The following PARD3B variants were observed in gnomAD, a reference collection of about 807,000 sequenced individuals.
PARD3B encodes par-3 family cell polarity regulator beta, also known as partitioning defective 3 homolog B.
A neutral mutation model predicts 130.2 loss-of-function variants in PARD3B; 103 were observed. The observed-to-expected ratio is 0.79, with a 90% CI of 0.67 to 0.93. The LOEUF (loss-of-function observed/expected upper bound fraction) is 0.93, where lower values mean the gene tolerates loss of function less well. Ranked by LOEUF, PARD3B falls within the 40% of genes least tolerant of loss-of-function variation. The probability of loss-of-function intolerance (pLI) is 0.00; values close to 1 mark genes in which losing one functional copy is unlikely to be tolerated. For synonymous variants in PARD3B, 583 were observed against 553.2 expected, an observed-to-expected ratio of 1.05 and a Z score of -0.76; for missense variants, 1,609 against 1,499.2, an observed-to-expected ratio of 1.07 and a Z score of -1.21.
rs1274223916 is a variant in PARD3B, at chr2:204,943,203, TATATA to T, written c.223-21944_223-21940del. On this transcript the variant is annotated intron_variant, in intron 2 of 22. Coordinates refer to ENST00000406610, the MANE Select transcript of PARD3B (RefSeq NM_001302769.2). This position sits in a 1 kb window ranked among gnomAD's most constrained non-coding sequence, Gnocchi z 4.2. ...ATATATATATATGTGTGTGTATATA[TATATA>T]ATATGTTAATTTTCATAGATCCAAA... 6.6e-6 allele frequency among the ~76,000 whole-genome samples: 1 copy of T among 152,058 alleles called. No individual in the cohort carries two copies. The highest frequency in any genetic ancestry group is 2.4e-5 in the African/African-American group (1 of 41,398).
chr2:204,673,489 A>C lies in PARD3B; in HGVS notation c.121-12692A>C, dbSNP rs977065592. 6.6e-6 allele frequency among the ~76,000 whole-genome samples: 1 copy of C among 152,190 alleles called. No individual in the cohort carries two copies. The highest frequency in any genetic ancestry group is 6.5e-5 in the Admixed American group (1 of 15,276). On this transcript the variant is annotated intron_variant, in intron 1 of 22. Coordinates refer to ENST00000406610, the MANE Select transcript of PARD3B (RefSeq NM_001302769.2). The surrounding 1 kb of genome is among the most constrained non-coding windows in gnomAD (Gnocchi z 4.7). ...CAAGCGAACTAGTTTTCCCACTCTC[A>C]TATAAGGGTTGCTTTTCTGAGCTTT...
At position 204,953,028 on chromosome 2, in the gene PARD3B, GTGTATATA is replaced by G. The variant is rs202110751; in HGVS notation, c.223-12106_223-12099del. ...AAAAAAAAGGTATATATATATATGTGTGTATATATGTATATATGTATATATACGTATAT... is the reference window on the plus strand; with the variant it reads ...AAAAAAAAGGTATATATATATATGTGTGTATATATGTATATATACGTATAT... On this transcript the variant is annotated intron_variant, in intron 2 of 22. Coordinates refer to ENST00000406610, the MANE Select transcript of PARD3B (RefSeq NM_001302769.2). Among the ~76,000 whole-genome samples the G allele has an allele frequency of 8.4e-3, 1,249 of 149,230 alleles. 20 individuals carry two copies. The highest frequency in any genetic ancestry group is 0.026 in the African/African-American group (1,041 of 40,568).
In PARD3B at chr2:205,193,417, G is replaced by T. The variant is rs536442796; in HGVS notation, c.2140+97G>T. On this transcript the variant is annotated intron_variant, in intron 15 of 22. Coordinates refer to ENST00000406610, the MANE Select transcript of PARD3B (RefSeq NM_001302769.2). ...TTTTGTTTCTTCAACTCAAACCTCA[G>T]GGAACAAGGTCTGCAGAAGCCTGGA... 2.2e-4 allele frequency: 197 copies of T among 902,226 alleles called. 2 individuals carry two copies. The South Asian group carries it at 2.8e-3, about 13-fold the overall frequency. The allele number at this position is 902,226 out of a possible 1,614,324, so 55.9% of individuals were successfully genotyped here.
At chr2:205,316,889 A>G (rs543133411) in intron 18 of PARD3B, among the ~76,000 whole-genome samples, 3 of 152,194 alleles carry the variant, frequency 2.0e-5, no homozygotes, top group East Asian at 3.8e-4. Flanking sequence ...TAAATATGAA[A>G]CTAATCTTTT....
intron 2 of PARD3B, among the ~76,000 whole-genome samples, chr2:204,721,010 A>G (rs2038971688): frequency 1.3e-5 from 2 of 152,258 alleles, no homozygotes; most frequent in Admixed American, 6.5e-5. Context: ...TTAAATTATA[A>G]TCTGAGAATG....
chr2:205,446,258 C>T lies in PARD3B; in HGVS notation c.3044+5586C>T, dbSNP rs1402123155. 1.3e-5 allele frequency among the ~76,000 whole-genome samples: 2 copies of T among 152,060 alleles called. No homozygotes were observed. The highest frequency in any genetic ancestry group is 2.9e-5 in the Non-Finnish European group (2 of 68,014). ...CCGGCCTTGACGAAGAGTTTGGACT[C>T]TATCCTGAGGGAGGTGGGGCAGGGT... On this transcript the variant is annotated intron_variant, in intron 20 of 22. Coordinates refer to ENST00000406610, the MANE Select transcript of PARD3B (RefSeq NM_001302769.2). This position sits in a 1 kb window ranked among gnomAD's most constrained non-coding sequence, Gnocchi z 4.4.
intron 3 of PARD3B, among the ~76,000 whole-genome samples, chr2:204,976,075 T>C (rs542594346): frequency 6.6e-6 from 1 of 152,330 alleles, no homozygotes; most frequent in South Asian, 2.1e-4. Flanking sequence ...TATGCGAGGT[T>C]AGGCAAAATT....
chr2:205,028,657 A>G (rs1345459532), intron 3 of PARD3B, among the ~76,000 whole-genome samples: 1 of 152,154 alleles, frequency 6.6e-6, no homozygotes, highest in Non-Finnish European at 1.5e-5. Flanking sequence ...TCTATTCAAC[A>G]TAGTCCCATA....
At chr2:204,683,543 T>G (rs546449099) in intron 1 of PARD3B, among the ~76,000 whole-genome samples, 68 of 152,330 alleles carry the variant, frequency 4.5e-4, no homozygotes, top group Non-Finnish European at 7.2e-4. Context: ...TGTACATTTT[T>G]GAGTGATCAA....
intron 2 of PARD3B, among the ~76,000 whole-genome samples, chr2:204,805,984 G>A (rs539304143): frequency 4.6e-5 from 7 of 152,084 alleles, no homozygotes; most frequent in South Asian, 4.2e-4. Flanking sequence ...GTGAGAAATT[G>A]AAGAGGACAC....
intron 22 of PARD3B, among the ~76,000 whole-genome samples, chr2:205,581,838 C>T (rs1224228767): frequency 6.6e-6 from 1 of 152,120 alleles, no homozygotes. Context: ...GTAGGCATAA[C>T]TCCAATTTTC....
chr2:205,517,024 A>C (rs1341543100), intron 21 of PARD3B, among the ~76,000 whole-genome samples: 3 of 152,130 alleles, frequency 2.0e-5, no homozygotes, highest in African/African-American at 7.2e-5. Context: ...TGAGATAATC[A>C]TGTGGTTTTT....
At chr2:205,484,020 A>G (rs1401921164) in intron 20 of PARD3B, among the ~76,000 whole-genome samples, 1 of 152,204 alleles carries the variant, frequency 6.6e-6, no homozygotes, top group Non-Finnish European at 1.5e-5. Flanking sequence ...TGAGGAACTA[A>G]TGACATCTGA....
In PARD3B at chr2:204,743,180, A is replaced by C. The variant is rs543609331; in HGVS notation, c.222+56898A>C. ...TACTTACTAAATGTTGGTTAAATGAATGAAGATTGGCTTTGTTAAGATTTT... is the reference window on the plus strand; with the variant it reads ...TACTTACTAAATGTTGGTTAAATGACTGAAGATTGGCTTTGTTAAGATTTT... On this transcript the variant is annotated intron_variant, in intron 2 of 22. Transcript: ENST00000406610. Among the ~76,000 whole-genome samples the C allele has an allele frequency of 1.4e-4, 21 of 152,284 alleles. 1 individual carries two copies. The South Asian group carries it at 4.4e-3, about 32-fold the overall frequency.
At position 205,473,684 on chromosome 2, in the gene PARD3B, G is replaced by GCATA. The variant is rs1553520397; in HGVS notation, c.3045-26212_3045-26211insCATA. On this transcript the variant is annotated intron_variant, in intron 20 of 22. Transcript: ENST00000406610. This position sits in a 1 kb window ranked among gnomAD's most constrained non-coding sequence, Gnocchi z 4.9. ...TGTGTGTGTGTGTGTGTGTGTGTAT[G>GCATA]TATATATATATATATATATATATAT... Among the ~76,000 whole-genome samples, 2 of 114,622 alleles carry GCATA rather than the reference G, an allele frequency of 1.7e-5. No individual in the cohort carries two copies. The highest frequency in any genetic ancestry group is 5.5e-4 in the East Asian group (2 of 3,648). The allele number at this position is 114,622 out of a possible 152,430, so 75.2% of individuals were successfully genotyped here.
intron 2 of PARD3B, among the ~76,000 whole-genome samples, chr2:204,706,175 G>A (rs2038140480): frequency 6.6e-6 from 1 of 152,000 alleles, no homozygotes; most frequent in African/African-American, 2.4e-5. Context: ...AGACCATGCT[G>A]GCTAACACAG....
intron 14 of PARD3B, among the ~76,000 whole-genome samples, chr2:205,192,706 G>A (rs1559527830): frequency 6.6e-6 from 1 of 152,066 alleles, no homozygotes; most frequent in Non-Finnish European, 1.5e-5. Context: ...TTAGTTTTAG[G>A]AAAAAGACCT....
intron 2 of PARD3B, among the ~76,000 whole-genome samples, chr2:204,931,709 T>TA (rs1392323862): frequency 6.6e-6 from 1 of 152,068 alleles, no homozygotes; most frequent in Non-Finnish European, 1.5e-5. Context: ...TCAGACCTGT[T>TA]ACTTACTGGC....
At chr2:205,491,550 C>T (rs4411673) in intron 20 of PARD3B, among the ~76,000 whole-genome samples, 60,542 of 151,940 alleles carry the variant, frequency 0.4, 12,594 homozygotes, top group Admixed American at 0.49. Context: ...GTGATGCCTC[C>T]AGCTTTGTTC....
Sources: allele counts gnomAD v4.1 joint callset (sites outside exome capture counted in the v4.1 genomes callset), GRCh38; gene constraint gnomAD v4.1.1; non-coding constraint Gnocchi (gnomAD v3.1); transcripts MANE v1.5; gene names NCBI Gene and HGNC (gene_info 2026-07-23, HGNC 2026-07-21).